Variants in GIMAP2 observed in about 807,000 individuals in gnomAD.
GIMAP2 encodes the protein GTPase IMAP family member 2.
A neutral mutation model predicts 25.5 loss-of-function variants in GIMAP2; 22 were observed. The observed-to-expected ratio is 0.86, with a 90% CI of 0.62 to 1.23. The LOEUF is 1.23. Ranked by LOEUF, GIMAP2 falls within the 50% of genes most tolerant of loss-of-function variation. GIMAP2 has a pLI of 0.00. For synonymous variants in GIMAP2, 167 were observed against 143.0 expected (o/e 1.17, Z -1.20); for missense variants, 422 against 395.7 (o/e 1.07, Z -0.56).
At chr7:150,686,775 C>G (rs1297634904) in intron 1 of GIMAP2, among the ~76,000 whole-genome samples, 2 of 151,616 alleles carry the variant, frequency 1.3e-5, no homozygotes, top group Non-Finnish European at 2.9e-5. Flanking sequence ...GAAACCCTGT[C>G]TCTACTAAAA....
At position 150,687,084 on chromosome 7, in the gene GIMAP2, TG is replaced by T. The variant is rs1796910814; in HGVS notation, c.28+1del. 6.2e-7 allele frequency: 1 copy of T among 1,608,374 alleles called. No homozygotes were observed. Among genetic ancestry groups the T allele is most frequent in the Non-Finnish European group, 8.5e-7 (1 of 1,176,762 alleles). On this transcript the variant is annotated frameshift_variant and splice_region_variant, in exon 2 of 3. Transcript: ENST00000223293. LOFTEE classifies it high-confidence loss of function. MDQNEHSH[W>X]GPHAKGQCAS... Reference sequence around the variant, plus strand: ...AATGGACCAAAATGAACACAGTCACTGGGGTAAGAAGGTGACTTCACGTGTG... The same window carrying T: ...AATGGACCAAAATGAACACAGTCACTGGGTAAGAAGGTGACTTCACGTGTG...
chr7:150,689,733 T>G, intron 2 of GIMAP2: 1 of 559,550 alleles, frequency 1.8e-6, no homozygotes, highest in East Asian at 2.9e-5. Context: ...CTTAAATATG[T>G]GCAACAAGTG....
At chr7:150,687,498 AACTCCTG>A (rs1796917749) in intron 2 of GIMAP2, 1 of 158,016 alleles carries the variant, frequency 6.3e-6, no homozygotes, top group African/African-American at 2.4e-5. Flanking sequence ...GCTGGTCTCA[AACTCCTG>A]ACCTTGTGAT....
In GIMAP2 at chr7:150,687,155, T is replaced by TGTGTGTGTGTGTGTG. The variant is rs1796913382; in HGVS notation, c.28+68_28+69insGTGTGTGTGTGTGTG. 9.9e-6 allele frequency: 11 copies of TGTGTGTGTGTGTGTG among 1,106,110 alleles called. No homozygotes were observed. In the African/African-American group the frequency reaches 1.5e-4, roughly 15 times the overall value. The allele number at this position is 1,106,110 out of a possible 1,614,324, so 68.5% of individuals were successfully genotyped here. A position where few individuals can be genotyped will look rare whatever the true frequency, so the allele number is the denominator to read the frequency against. ...GTGTGTGTGTGTGTGTGTGTGTGTG[T>TGTGTGTGTGTGTGTG]TTGGCTCTTCTGATGATGTTGGGGC... On this transcript the variant is annotated intron_variant, in intron 2 of 2. Coordinates refer to ENST00000223293, the MANE Select transcript of GIMAP2 (RefSeq NM_015660.3).
At chr7:150,690,611 C>T (rs990357687) in intron 2 of GIMAP2, among the ~76,000 whole-genome samples, 1 of 152,128 alleles carries the variant, frequency 6.6e-6, no homozygotes, top group Admixed American at 6.5e-5. Context: ...GTTACTTAAC[C>T]CCTGCATGCA....
At chr7:150,687,215 C>T (rs1031020727) in intron 2 of GIMAP2, 128 bp downstream of exon 2, 13 of 752,644 alleles carry the variant, frequency 1.7e-5, no homozygotes, top group Non-Finnish European at 2.9e-5. Context: ...TATTCTAACT[C>T]CCACAGCTAC....
chr7:150,692,251 G>GAA, intron 2 of GIMAP2, 64 bp from the exon 3 acceptor site: 1 of 1,430,286 alleles, frequency 7.0e-7, no homozygotes, highest in Non-Finnish European at 9.4e-7. Context: ...GAAATGAAAG[G>GAA]AAAAAAAAAT....
intron 2 of GIMAP2, among the ~76,000 whole-genome samples, chr7:150,691,239 C>T (rs1796962886): frequency 6.6e-6 from 1 of 152,186 alleles, no homozygotes. Flanking sequence ...TTCCATGAAC[C>T]TGCCCTAGAC....
rs372417348 is a variant in GIMAP2, at chr7:150,692,861, A to G, written c.575A>G (p.Asp192Gly). Residue 192 changes from aspartate (D) to glycine (G), a missense_variant, in exon 3 of 3, where the codon GAT becomes GGT. Transcript: ENST00000223293. The part of the protein sequence containing the change: ...FNNRAEGSNQ[D>G]DQVKELMDCI... ...AACCGTGCTGAAGGGAGCAATCAGG[A>G]TGACCAAGTGAAGGAACTAATGGAC... 33 of 1,614,114 alleles carry G rather than the reference A, an allele frequency of 2.0e-5. No homozygotes were observed. Among genetic ancestry groups the G allele is most frequent in the Admixed American group, 3.3e-5 (2 of 60,010 alleles).
chr7:150,692,737 C>G lies in GIMAP2; in HGVS notation c.451C>G (p.Leu151Val). Residue 151 changes from leucine to valine, a missense_variant, in exon 3 of 3, where the codon CTC becomes GTC. Physicochemically the swap from Leu to Val is conservative, Grantham distance 32 (BLOSUM62 1). Coordinates refer to ENST00000223293, the MANE Select transcript of GIMAP2 (RefSeq NM_015660.3). Reference protein sequence around the residue: ...TIVLFTHKEDLNGGSLMDYMH... With the variant: ...TIVLFTHKEDVNGGSLMDYMH... ...TGTCCTCTTTACCCACAAGGAAGACCTCAATGGTGGCTCCCTGATGGATTA... is the reference window on the plus strand; with the variant it reads ...TGTCCTCTTTACCCACAAGGAAGACGTCAATGGTGGCTCCCTGATGGATTA... 6.2e-7 allele frequency: 1 copy of G among 1,614,148 alleles called. No individual in the cohort carries two copies. Among genetic ancestry groups the G allele is most frequent in the African/African-American group, 1.3e-5 (1 of 75,046 alleles).
At position 150,693,119 on chromosome 7, in the gene GIMAP2, A is replaced by T. The variant is rs762502065; in HGVS notation, c.833A>T (p.Gln278Leu). The change falls in exon 3 of 3, where the codon CAG (glutamine) becomes CTG (leucine). Residue 278 changes from glutamine to leucine, a missense_variant. Transcript: ENST00000223293. ...CAACTGTGTGTTTTATTTTGTATTC[A>T]GTTGTTTCTCAGATTGATAATTCTG... ...KTQLCVLFCI[Q>L]LFLRLIILWL... The T allele has an allele frequency of 6.2e-7, 1 of 1,613,670 alleles. No homozygotes were observed. Among genetic ancestry groups the T allele is most frequent in the Non-Finnish European group, 8.5e-7 (1 of 1,179,570 alleles).
chr7:150,692,403 G>T lies in GIMAP2; in HGVS notation c.117G>T (p.Gly39=), dbSNP rs1796976817. 1 of 1,614,072 alleles carries T rather than the reference G, an allele frequency of 6.2e-7. No individual in the cohort carries two copies. Among genetic ancestry groups the T allele is most frequent in the South Asian group, 1.1e-5 (1 of 91,084 alleles). Residue 39 remains glycine, a synonymous_variant, in exon 3 of 3, where the codon GGG becomes GGT. Coordinates refer to ENST00000223293, the MANE Select transcript of GIMAP2 (RefSeq NM_015660.3). ...GKTGTGKSAA[G]NSILRKQAFE... is the part of the protein sequence containing the mutation. Reference sequence around the variant, plus strand: ...CAGGAACTGGCAAAAGTGCTGCAGGGAACAGCATCCTCAGGAAGCAAGCAT... The same window carrying T: ...CAGGAACTGGCAAAAGTGCTGCAGGTAACAGCATCCTCAGGAAGCAAGCAT...
rs1042945602 is a variant in GIMAP2, at chr7:150,693,517, C to T, written c.*217C>T. 4.7e-6 allele frequency: 2 copies of T among 427,248 alleles called. No homozygotes were observed. The highest frequency in any genetic ancestry group is 4.1e-5 in the African/African-American group (2 of 48,514). The allele number at this position is 427,248 out of a possible 1,614,324, so 26.5% of individuals were successfully genotyped here. A position where few individuals can be genotyped will look rare whatever the true frequency, so the allele number is the denominator to read the frequency against. On this transcript the variant is annotated 3_prime_UTR_variant, in exon 3 of 3. Transcript: ENST00000223293. ...TTTGAAATCTGTAAACATAAAATTC[C>T]TCTCATTTTCAAATATCTAAAGCCA... is the stretch of plus-strand genomic sequence containing the variant.
intron 2 of GIMAP2, among the ~76,000 whole-genome samples, chr7:150,689,046 C>T (rs1416170550): frequency 1.3e-5 from 2 of 152,174 alleles, no homozygotes; most frequent in African/African-American, 2.4e-5. Context: ...CATGGGAAAC[C>T]CCCTAAGCCA....
intron 1 of GIMAP2, among the ~76,000 whole-genome samples, chr7:150,686,322 G>A (rs1796899845): frequency 6.6e-6 from 1 of 152,178 alleles, no homozygotes; most frequent in East Asian, 1.9e-4. Flanking sequence ...GAGGTTTGGA[G>A]AGAGTAGAGG....
intron 2 of GIMAP2, 116 bp downstream of exon 2, chr7:150,687,203 C>A: frequency 1.2e-6 from 1 of 854,160 alleles, no homozygotes; most frequent in Non-Finnish European, 1.9e-6. Context: ...GGTGAAGGAT[C>A]TTATTCTAAC....
chr7:150,689,192 C>T lies in GIMAP2; in HGVS notation c.28+2105C>T, dbSNP rs112460389. Among the ~76,000 whole-genome samples, 624 of 152,334 alleles carry T rather than the reference C, an allele frequency of 4.1e-3. 3 individuals are homozygous for T. Among genetic ancestry groups the T allele is most frequent in the African/African-American group, 0.014 (599 of 41,574 alleles). On this transcript the variant is annotated intron_variant, in intron 2 of 2. Coordinates refer to ENST00000223293, the MANE Select transcript of GIMAP2 (RefSeq NM_015660.3). ...AAACTTCAGGTTACATCTAACTCCT[C>T]TCAAAAATTTGCTCAAGAATTCTCT...
Position 150,692,890 on chromosome 7 carries a change from A to T in GIMAP2, c.604A>T (p.Ile202Phe). 1.2e-6 allele frequency: 2 copies of T among 1,614,216 alleles called. No homozygotes were observed. The highest frequency in any genetic ancestry group is 1.7e-6 in the Non-Finnish European group (2 of 1,180,012). Residue 202 changes from isoleucine (I) to phenylalanine (F), a missense_variant, in exon 3 of 3, where the codon ATT becomes TTT. Ile to Phe is a conservative substitution (Grantham distance 21, BLOSUM62 0). Transcript: ENST00000223293. ...CCAAGTGAAGGAACTAATGGACTGT[A>T]TTGAGGATCTGTTGATGGAGAAAAA... ...DDQVKELMDC[I>F]EDLLMEKNGD...
rs752987868 is a variant in GIMAP2 at position 150,687,058 on chromosome 7, C to A, written c.-2C>A. On this transcript the variant is annotated 5_prime_UTR_variant, in exon 2 of 3. Transcript: ENST00000223293. ...TTGTCTCTCTGTTTCTCAGGAACAC[C>A]AATGGACCAAAATGAACACAGTCAC... 1 of 1,607,760 alleles carries A rather than the reference C, an allele frequency of 6.2e-7. No homozygotes were observed. The highest frequency in any genetic ancestry group is 8.5e-7 in the Non-Finnish European group (1 of 1,176,414).
Sources: allele counts gnomAD v4.1 joint callset (sites outside exome capture counted in the v4.1 genomes callset), GRCh38; gene constraint gnomAD v4.1.1; transcripts MANE v1.5; gene names NCBI Gene and HGNC (gene_info 2026-07-23, HGNC 2026-07-21).